Variants in SLCO6A1 observed in about 807,000 individuals in gnomAD.
SLCO6A1 encodes the protein solute carrier organic anion transporter family member 6A1.
Under a neutral mutation model 72.7 loss-of-function variants are expected in SLCO6A1, and 65 were observed. The observed-to-expected ratio is 0.89, with a 90% CI of 0.73 to 1.10. SLCO6A1 has a LOEUF of 1.10. SLCO6A1 is among the 50% of genes least tolerant of loss of function. SLCO6A1 has a pLI of 0.00. For synonymous variants in SLCO6A1, 314 were observed against 298.2 expected, an observed-to-expected ratio of 1.05 and a Z score of -0.55; for missense variants, 874 against 872.6, an observed-to-expected ratio of 1.00 and a Z score of -0.02.
intron 12 of SLCO6A1, among the ~76,000 whole-genome samples, chr5:102,384,131 C>G (rs1746274991): frequency 6.6e-6 from 1 of 150,544 alleles, no homozygotes; most frequent in South Asian, 2.1e-4. Flanking sequence ...AAATCCAACT[C>G]TTTATTTTGT....
intron 7 of SLCO6A1, among the ~76,000 whole-genome samples, chr5:102,429,129 T>A (rs1378781543): frequency 6.6e-6 from 1 of 152,096 alleles, no homozygotes; most frequent in Non-Finnish European, 1.5e-5. Flanking sequence ...CCCACTTTAT[T>A]ATGGGGCTTT....
chr5:102,375,844 G>C (rs1043230076), intron 12 of SLCO6A1, among the ~76,000 whole-genome samples: 1 of 150,622 alleles, frequency 6.6e-6, no homozygotes, highest in Non-Finnish European at 1.5e-5. Flanking sequence ...GGAGAGAGTA[G>C]GAAAAATGAG....
intron 10 of SLCO6A1, chr5:102,391,358 T>G: frequency 3.7e-6 from 1 of 268,688 alleles, no homozygotes; most frequent in Non-Finnish European, 7.1e-6. Flanking sequence ...ACTTACCGGT[T>G]TTCATTCTAT....
chr5:102,462,238 G>A (rs1452925985), intron 4 of SLCO6A1, among the ~76,000 whole-genome samples: 1 of 152,136 alleles, frequency 6.6e-6, no homozygotes, highest in African/African-American at 2.4e-5. Context: ...AATCATAGGT[G>A]ACACAAATGA....
intron 10 of SLCO6A1, among the ~76,000 whole-genome samples, chr5:102,396,388 C>T (rs1278611511): frequency 1.3e-5 from 2 of 152,032 alleles, no homozygotes; most frequent in Non-Finnish European, 2.9e-5. Context: ...TTTAGGGTGC[C>T]TTTTAGCTTG....
intron 7 of SLCO6A1, among the ~76,000 whole-genome samples, chr5:102,436,266 C>T (rs1455987350): frequency 1.3e-5 from 2 of 152,126 alleles, no homozygotes; most frequent in African/African-American, 2.4e-5. Context: ...AGATGATATG[C>T]AGTTGGCTAG....
At chr5:102,411,225 ATG>A (rs146638622) in intron 9 of SLCO6A1, among the ~76,000 whole-genome samples, 4 of 151,516 alleles carry the variant, frequency 2.6e-5, no homozygotes, top group Admixed American at 6.6e-5. Context: ...ATATATATAT[ATG>A]TGTGTGTGTG....
intron 5 of SLCO6A1, among the ~76,000 whole-genome samples, chr5:102,459,162 CGCGTTGTGAA>C: frequency 6.6e-6 from 1 of 152,218 alleles, no homozygotes; most frequent in Non-Finnish European, 1.5e-5. Context: ...GTAATCTCAA[CGCGTTGTGAA>C]GCTAAGGTGG....
intron 7 of SLCO6A1, among the ~76,000 whole-genome samples, chr5:102,437,590 T>A (rs1251693119): frequency 1.3e-5 from 2 of 152,196 alleles, no homozygotes; most frequent in African/African-American, 2.4e-5. Context: ...CATGAAAAAA[T>A]TTGTCATTAT....
chr5:102,483,973 T>C (rs1466334744), intron 1 of SLCO6A1, among the ~76,000 whole-genome samples: 1 of 152,140 alleles, frequency 6.6e-6, no homozygotes, highest in African/African-American at 2.4e-5. Context: ...TGGCTAAAAA[T>C]AATAAGAGTT....
At chr5:102,388,372 G>A (rs1746533851) in intron 12 of SLCO6A1, among the ~76,000 whole-genome samples, 1 of 151,402 alleles carries the variant, frequency 6.6e-6, no homozygotes, top group Admixed American at 6.6e-5. Flanking sequence ...GTTTTTGAAA[G>A]AGTCTCACTC....
intron 1 of SLCO6A1, among the ~76,000 whole-genome samples, chr5:102,489,471 A>G (rs1302626893): frequency 1.3e-5 from 2 of 152,250 alleles, no homozygotes; most frequent in Non-Finnish European, 2.9e-5. Context: ...GCATTTCTCA[A>G]AAGAAGACAT....
intron 6 of SLCO6A1, among the ~76,000 whole-genome samples, chr5:102,443,746 C>G: frequency 6.6e-6 from 1 of 152,170 alleles, no homozygotes; most frequent in Non-Finnish European, 1.5e-5. Context: ...CCAGGATTTT[C>G]TGCATTTTAA....
intron 12 of SLCO6A1, among the ~76,000 whole-genome samples, 162 bp downstream of exon 12, chr5:102,388,526 A>G (rs979077882): frequency 6.6e-6 from 1 of 152,022 alleles, no homozygotes; most frequent in Admixed American, 6.6e-5. Flanking sequence ...TTAAAATTTT[A>G]CTTATAGAGA....
Position 102,384,155 on chromosome 5 carries a change from T to C in SLCO6A1, c.2017+4533A>G, listed in dbSNP as rs186261606. Among the ~76,000 whole-genome samples, 243 of 151,994 alleles carry C rather than the reference T, an allele frequency of 1.6e-3. 1 individual carries two copies. The highest frequency in any genetic ancestry group is 2.8e-3 in the Non-Finnish European group (190 of 67,788). On this transcript the variant is annotated intron_variant, in intron 12 of 13. Transcript: ENST00000506729. ...TCTTTATTTTGTTATTTTTTTCTAT[T>C]ATTTTTCTAATCTCTATTTCACTGA... is the stretch of plus-strand genomic sequence containing the variant.
intron 4 of SLCO6A1, among the ~76,000 whole-genome samples, chr5:102,464,037 C>T (rs190640077): frequency 5.0e-4 from 76 of 151,770 alleles, no homozygotes; most frequent in Non-Finnish European, 7.9e-4. Flanking sequence ...TGGGGACTTG[C>T]AGGGAAGGGT....
rs553309354 is a variant in SLCO6A1, at chr5:102,480,521, G to A, written c.359-87C>T. The stretch of plus-strand genomic sequence containing the variant: ...TTACAAAGCAAAATTTAAATTACAT[G>A]ATGTAAGTTTATTTTAAATTATTCT... On this transcript the variant is annotated intron_variant, in intron 1 of 13. Transcript: ENST00000506729. 1.3e-5 allele frequency: 16 copies of A among 1,250,510 alleles called. No individual in the cohort carries two copies. In the African/African-American group the frequency reaches 2.4e-4, roughly 19 times the overall value. 77.5% of individuals were successfully genotyped at this position (1,250,510 alleles called of 1,614,324 possible).
At position 102,498,829 on chromosome 5, in the gene SLCO6A1, C is replaced by T. The variant is rs1407396276; in HGVS notation, c.16G>A (p.Ala6Thr). ...TCATCCTGGCTCCCAGAGTGCCGGGCGACGCCTACGAACATGGCTCACCCT... is the reference window on the plus strand; with the variant it reads ...TCATCCTGGCTCCCAGAGTGCCGGGTGACGCCTACGAACATGGCTCACCCT... MFVGV[A>T]RHSGSQDEVS... is the part of the protein sequence containing the mutation. The change falls in exon 1 of 14, where the codon GCC becomes ACC. Residue 6 changes from alanine (A) to threonine (T), a missense_variant. Transcript: ENST00000506729. The T allele has an allele frequency of 6.2e-7, 1 of 1,609,902 alleles. No individual in the cohort carries two copies. Among genetic ancestry groups the T allele is most frequent in the Admixed American group, 1.7e-5 (1 of 59,860 alleles).
intron 12 of SLCO6A1, among the ~76,000 whole-genome samples, chr5:102,384,863 T>A (rs1746319138): frequency 6.6e-6 from 1 of 152,118 alleles, no homozygotes; most frequent in Non-Finnish European, 1.5e-5. Context: ...CAATTCAACA[T>A]TAAGACCTCC....
Sources: gnomAD v4.1 joint callset for allele counts (sites outside exome capture counted in the v4.1 genomes callset) on GRCh38, gnomAD v4.1.1 for gene constraint, MANE v1.5 for transcripts, NCBI Gene and HGNC (gene_info 2026-07-23, HGNC 2026-07-21) for gene names.